ESYT3: variants seen among roughly 807,000 people sequenced by gnomAD.
The protein encoded by ESYT3 is extended synaptotagmin 3.
ESYT3 carries 101 observed loss-of-function variants against 111.5 expected under a neutral mutation model. That is an observed-to-expected ratio of 0.91 (90% CI 0.77 to 1.07). The LOEUF is 1.07. Ranked by LOEUF, ESYT3 falls within the 50% of genes least tolerant of loss-of-function variation. The pLI is 0.00. For missense variants in ESYT3, 1,097 were observed against 1,109.4 expected (o/e 0.99, Z 0.16); for synonymous variants, 416 against 446.8 (o/e 0.93, Z 0.87).
At position 138,435,665 on chromosome 3, in the gene ESYT3, G is replaced by T. The variant is rs2030612444; in HGVS notation, c.327+540G>T. Among the ~76,000 whole-genome samples, 1 of 151,730 alleles carries T rather than the reference G, an allele frequency of 6.6e-6. No homozygotes were observed. The highest frequency in any genetic ancestry group is 2.1e-4 in the South Asian group (1 of 4,770). On this transcript the variant is annotated intron_variant, in intron 1 of 22. Transcript: ENST00000389567. The surrounding 1 kb of genome is among the most constrained non-coding windows in gnomAD (Gnocchi z 4.8). ...ACGGCTGGGAGACCGACGGCGCCGG[G>T]CCCCGGGCCTCCTTCCCTCCCTCCC...
chr3:138,437,737 AGGGAGGAGAGT>A (rs1163361532), intron 1 of ESYT3, among the ~76,000 whole-genome samples: 3 of 152,178 alleles, frequency 2.0e-5, no homozygotes, highest in African/African-American at 2.4e-5. Flanking sequence ...GGTAGTAATG[AGGGAGGAGAGT>A]GGGAGATGCG....
chr3:138,467,131 G>C (rs1178127151), intron 10 of ESYT3, among the ~76,000 whole-genome samples: 1 of 152,122 alleles, frequency 6.6e-6, no homozygotes, highest in Admixed American at 6.5e-5. Flanking sequence ...GAAATGAAGG[G>C]GCATTTGGGG....
intron 1 of ESYT3, among the ~76,000 whole-genome samples, chr3:138,445,246 G>A (rs2031457694): frequency 6.6e-6 from 1 of 152,240 alleles, no homozygotes; most frequent in Non-Finnish European, 1.5e-5. Context: ...CAAAAGCTCA[G>A]TGATTTTAGG....
rs1298479278 is a variant in ESYT3 at position 138,474,399 on chromosome 3, T to C, written c.2468+47T>C. The C allele has an allele frequency of 1.8e-5, 28 of 1,533,434 alleles. No individual in the cohort carries two copies. The South Asian group carries it at 3.5e-4, about 19-fold the overall frequency. 95.0% of individuals were successfully genotyped at this position (1,533,434 alleles called of 1,614,324 possible). ...CTAGAGTGCCTCACCCATTCAAGTA[T>C]TTTCCAAGTACCTGTTATGTTGCCT... is the stretch of plus-strand genomic sequence containing the variant. On this transcript the variant is annotated intron_variant, in intron 20 of 22. Transcript: ENST00000389567.
intron 6 of ESYT3, 100 bp downstream of exon 6, chr3:138,460,134 C>A: frequency 9.6e-7 from 1 of 1,038,748 alleles, no homozygotes; most frequent in Non-Finnish European, 1.5e-6. Context: ...TGGACATTGT[C>A]CCAGCCCACT....
chr3:138,452,114 A>G, intron 2 of ESYT3, 25 bp downstream of exon 2: 2 of 1,605,652 alleles, frequency 1.2e-6, no homozygotes, highest in Middle Eastern at 1.7e-4. Context: ...AGGGCCTAGC[A>G]GGGCCGGACG....
At chr3:138,437,988 C>T (rs2030849815) in intron 1 of ESYT3, among the ~76,000 whole-genome samples, 1 of 152,124 alleles carries the variant, frequency 6.6e-6, no homozygotes, top group Non-Finnish European at 1.5e-5. Context: ...TTTCCACGCC[C>T]AGTGATGATA....
At chr3:138,469,941 C>A in intron 15 of ESYT3, 119 bp from the exon 16 acceptor site, 1 of 754,016 alleles carries the variant, frequency 1.3e-6, no homozygotes, top group Non-Finnish European at 2.1e-6. Context: ...GGGTCTGATC[C>A]CAGGGCATAT....
At chr3:138,461,818 T>G (rs2032656664) in intron 7 of ESYT3, among the ~76,000 whole-genome samples, 1 of 152,182 alleles carries the variant, frequency 6.6e-6, no homozygotes, top group Non-Finnish European at 1.5e-5. Context: ...TTAGCCACTG[T>G]GCTGTGTGAC....
At chr3:138,438,193 A>G (rs1419150594) in intron 1 of ESYT3, among the ~76,000 whole-genome samples, 1 of 152,194 alleles carries the variant, frequency 6.6e-6, no homozygotes, top group Non-Finnish European at 1.5e-5. Flanking sequence ...CCTCTGGAGA[A>G]CTGATTTCTC....
intron 1 of ESYT3, among the ~76,000 whole-genome samples, chr3:138,451,788 C>T (rs990260341): frequency 2.0e-5 from 3 of 151,584 alleles, no homozygotes; most frequent in African/African-American, 4.9e-5. Flanking sequence ...ACTGCGGAAT[C>T]GGTGCCAGCT....
intron 3 of ESYT3, among the ~76,000 whole-genome samples, chr3:138,457,221 ACC>A (rs2108611146): frequency 6.6e-6 from 1 of 152,136 alleles, no homozygotes; most frequent in Non-Finnish European, 1.5e-5. Flanking sequence ...GCCCAGCTCC[ACC>A]CTGTGCTGTG....
downstream of ESYT3, chr3:138,480,732 T>A (rs2033673589): frequency 6.6e-6 from 1 of 152,234 alleles, no homozygotes; most frequent in Admixed American, 6.5e-5. Flanking sequence ...AAATTAATTA[T>A]ATGTTTAATG....
At position 138,434,690 on chromosome 3, in the gene ESYT3, G is replaced by A. The variant is rs1436025644; in HGVS notation, c.-109G>A. The A allele has an allele frequency of 2.0e-6, 2 of 1,008,738 alleles. No individual in the cohort carries two copies. The highest frequency in any genetic ancestry group is 1.8e-5 in the South Asian group (1 of 56,606). The allele number at this position is 1,008,738 out of a possible 1,614,324, so 62.5% of individuals were successfully genotyped here. On this transcript the variant is annotated 5_prime_UTR_variant, in exon 1 of 23. Coordinates refer to ENST00000389567, the MANE Select transcript of ESYT3 (RefSeq NM_031913.5). ...CCGAGAGTCCCAGCAGGGCAAGGGG[G>A]CGCGGCGTCCTGGTCCTCGAGCTTG... is the stretch of plus-strand genomic sequence containing the variant.
rs200152310 is a variant in ESYT3, at chr3:138,434,823, C to T, written c.25C>T (p.Pro9Ser). The T allele has an allele frequency of 6.4e-7, 1 of 1,559,800 alleles. No homozygotes were observed. The highest frequency in any genetic ancestry group is 8.7e-7 in the Non-Finnish European group (1 of 1,153,904). ...GATGCGAGCAGAGGAGCCCTGCGCC[C>T]CCGGGGCCCCCAGCGCCCTGGGAGC... is the stretch of plus-strand genomic sequence containing the variant. MRAEEPCA[P>S]GAPSALGAQR... is the part of the protein sequence containing the mutation. Residue 9 changes from proline to serine, a missense_variant, in exon 1 of 23, where the codon CCC becomes TCC. Pro to Ser is a moderately conservative substitution (Grantham distance 74). Coordinates refer to ENST00000389567, the MANE Select transcript of ESYT3 (RefSeq NM_031913.5).
chr3:138,472,262 T>C (rs1007291342), intron 17 of ESYT3, 101 bp from the exon 18 acceptor site: 4 of 1,476,616 alleles, frequency 2.7e-6, no homozygotes, highest in African/African-American at 1.4e-5. Flanking sequence ...AGGAAGGGTC[T>C]TTATAATTCA....
Position 138,435,909 on chromosome 3 carries a change from T to C in ESYT3, c.327+784T>C, listed in dbSNP as rs1576411365. 6.6e-6 allele frequency among the ~76,000 whole-genome samples: 1 copy of C among 152,282 alleles called. No individual in the cohort carries two copies. On this transcript the variant is annotated intron_variant, in intron 1 of 22. Coordinates refer to ENST00000389567, the MANE Select transcript of ESYT3 (RefSeq NM_031913.5). This position sits in a 1 kb window ranked among gnomAD's most constrained non-coding sequence, Gnocchi z 4.8. Reference sequence around the variant, plus strand: ...TTGGGAAACACCGGCAAGAGGGGTGTTCCGTCCAATGGTTGGTCTGCGGCA... The same window carrying C: ...TTGGGAAACACCGGCAAGAGGGGTGCTCCGTCCAATGGTTGGTCTGCGGCA...
At chr3:138,444,278 A>G (rs2031376277) in intron 1 of ESYT3, among the ~76,000 whole-genome samples, 1 of 152,132 alleles carries the variant, frequency 6.6e-6, no homozygotes, top group African/African-American at 2.4e-5. Flanking sequence ...TCAGATGGGG[A>G]GGGTGGAGGG....
chr3:138,456,634 T>C (rs2032292764), intron 3 of ESYT3, among the ~76,000 whole-genome samples: 2 of 152,138 alleles, frequency 1.3e-5, no homozygotes, highest in African/African-American at 4.8e-5. Flanking sequence ...TAAATTCTTA[T>C]AGGAGCACAA....
Sources: allele counts gnomAD v4.1 joint callset (sites outside exome capture counted in the v4.1 genomes callset), GRCh38; gene constraint gnomAD v4.1.1; non-coding constraint Gnocchi (gnomAD v3.1); transcripts MANE v1.5; gene names NCBI Gene and HGNC (gene_info 2026-07-23, HGNC 2026-07-21).